NIBAN3: variants seen among roughly 807,000 people sequenced by gnomAD.
NIBAN3 encodes niban apoptosis regulator 3.
Under a neutral mutation model 76.4 loss-of-function variants are expected in NIBAN3, and 66 were observed. That is an observed-to-expected ratio of 0.86 (90% confidence interval 0.71 to 1.06). NIBAN3 has a LOEUF of 1.06. Among genes scored for constraint, NIBAN3 ranks in the 50% least tolerant of loss-of-function variants. The probability of loss-of-function intolerance (pLI) is 0.00; values close to 1 mark genes in which losing one functional copy is unlikely to be tolerated. For missense variants in NIBAN3, 808 were observed against 810.7 expected, an observed-to-expected ratio of 1.00 and a Z score of 0.04; for synonymous variants, 360 against 355.2, an observed-to-expected ratio of 1.01 and a Z score of -0.15.
In NIBAN3 at chr19:17,553,632, T is replaced by C; in HGVS notation, c.*1734T>C. On this transcript the variant is annotated 3_prime_UTR_variant, in exon 15 of 15. Transcript: ENST00000599164. ...CCGAAATACATTTGCTCAATACATTTGCACTTCATAGGCTTCTTTAGCTGT... is the reference window on the plus strand; with the variant it reads ...CCGAAATACATTTGCTCAATACATTCGCACTTCATAGGCTTCTTTAGCTGT... The C allele has an allele frequency of 7.3e-7, 1 of 1,362,490 alleles. No individual in the cohort carries two copies. The highest frequency in any genetic ancestry group is 1.0e-6 in the Non-Finnish European group (1 of 956,502). 84.4% of individuals were successfully genotyped at this position (1,362,490 alleles called of 1,614,324 possible).
chr19:17,527,602 C>T (rs924836295), intron 1 of NIBAN3, among the ~76,000 whole-genome samples: 1 of 152,050 alleles, frequency 6.6e-6, no homozygotes, highest in Non-Finnish European at 1.5e-5. Context: ...GCTGGAGTGC[C>T]GTGGTATGAT....
At chr19:17,527,125 G>A (rs2144659861), upstream of NIBAN3, 7 of 1,227,990 alleles carry the variant, frequency 5.7e-6, no homozygotes, top group Non-Finnish European at 7.8e-6. Flanking sequence ...TAACCCCGGG[G>A]CTGTCCCCGC....
intron 4 of NIBAN3, 127 bp from the exon 5 acceptor site, chr19:17,537,249 C>T: frequency 4.1e-6 from 4 of 969,600 alleles, no homozygotes; most frequent in Non-Finnish European, 6.2e-6. Context: ...AGGATGGTGG[C>T]AAGTATCGTG....
At chr19:17,531,821 C>G (rs1019760961) in intron 2 of NIBAN3, among the ~76,000 whole-genome samples, 2 of 152,190 alleles carry the variant, frequency 1.3e-5, no homozygotes, top group African/African-American at 2.4e-5. Flanking sequence ...AGCGTGAGCG[C>G]CTGGCCTCCA....
In NIBAN3 at chr19:17,540,413, A is replaced by C; in HGVS notation, c.1001A>C (p.Glu334Ala). Residue 334 changes from glutamate (E) to alanine (A), a missense_variant, in exon 9 of 15, where the codon GAG (glutamate) becomes GCG (alanine). Transcript: ENST00000599164. ...CCAGCGGATATCAGGGGACCGCTCG[A>C]GTCGTGCCTGCGCCGGGAGGTGGAC... ...RLRTDIRGPLESCLRREVDPQ... is the reference protein window; with the variant it reads ...RLRTDIRGPLASCLRREVDPQ... 1 of 1,517,374 alleles carries C rather than the reference A, an allele frequency of 6.6e-7. No individual in the cohort carries two copies. 94.0% of individuals were successfully genotyped at this position (1,517,374 alleles called of 1,614,324 possible).
At chr19:17,529,590 C>G (rs1172303076) in intron 1 of NIBAN3, among the ~76,000 whole-genome samples, 1 of 152,242 alleles carries the variant, frequency 6.6e-6, no homozygotes, top group Non-Finnish European at 1.5e-5. Context: ...CAGCACACCT[C>G]CATCACTCAC....
chr19:17,533,199 C>G (rs960907739), intron 3 of NIBAN3, among the ~76,000 whole-genome samples: 1 of 152,088 alleles, frequency 6.6e-6, no homozygotes, highest in African/African-American at 2.4e-5. Flanking sequence ...CACCTGAGGT[C>G]AGGAGTTCAA....
chr19:17,541,251 AT>A (rs2075947254), intron 9 of NIBAN3, among the ~76,000 whole-genome samples: 1 of 151,936 alleles, frequency 6.6e-6, no homozygotes, highest in Non-Finnish European at 1.5e-5. Context: ...ACATACATAC[AT>A]ACATACATAC....
chr19:17,529,540 C>T (rs1463927273), intron 1 of NIBAN3, among the ~76,000 whole-genome samples: 2 of 152,216 alleles, frequency 1.3e-5, no homozygotes, highest in Admixed American at 6.5e-5. Flanking sequence ...GAGCTAGTCA[C>T]CCATCACCCA....
rs1568439359 is a variant in NIBAN3 at position 17,527,395 on chromosome 19, G to A, written c.55G>A (p.Gly19Ser). ...CAAGCAGCAGCGGCAGCACCTAAGGGGTGAGCAGCCGGGGAGGGGACAGGG... is the reference window on the plus strand; with the variant it reads ...CAAGCAGCAGCGGCAGCACCTAAGGAGTGAGCAGCCGGGGAGGGGACAGGG... ...LDKQQRQHLR[G>S]QVDTLLRNFL... The change falls in exon 1 of 15, where the codon GGT becomes AGT. Residue 19 changes from glycine (G) to serine (S), a missense_variant and splice_region_variant. Transcript: ENST00000599164. The A allele has an allele frequency of 3.9e-6, 6 of 1,530,102 alleles. No homozygotes were observed. Among genetic ancestry groups the A allele is most frequent in the African/African-American group, 1.4e-5 (1 of 72,630 alleles). The allele number at this position is 1,530,102 out of a possible 1,614,324, so 94.8% of individuals were successfully genotyped here. A position where few individuals can be genotyped will look rare whatever the true frequency, so the allele number is the denominator to read the frequency against.
chr19:17,547,415 AACG>A (rs2076078274), intron 13 of NIBAN3, among the ~76,000 whole-genome samples: 2 of 102,844 alleles, frequency 1.9e-5, no homozygotes, highest in African/African-American at 7.5e-5. Flanking sequence ...AGTGCAGTGG[AACG>A]ATCTTGGCTC....
Position 17,530,821 on chromosome 19 carries a change from TG to T in NIBAN3, c.123del (p.Arg42GlyfsTer33). On this transcript the variant is annotated frameshift_variant, in exon 2 of 15. Transcript: ENST00000599164. LOFTEE classifies it high-confidence loss of function. Reference protein sequence around the residue: ...CYRGQLAASVLRQISRELGPQ... With the variant: ...CYRGQLAASVXRQISRELGPQ... ...CGTGGGCAGCTGGCAGCGTCTGTCC[TG>T]CGGCAGATCTCTCGAGAGCTGGGCC... The T allele has an allele frequency of 6.2e-7, 1 of 1,613,648 alleles. No individual in the cohort carries two copies. The highest frequency in any genetic ancestry group is 8.5e-7 in the Non-Finnish European group (1 of 1,179,872).
chr19:17,532,166 T>C, intron 2 of NIBAN3, 97 bp from the exon 3 acceptor site: 2 of 1,438,890 alleles, frequency 1.4e-6, no homozygotes, highest in Non-Finnish European at 1.8e-6. Context: ...TCACGGGACC[T>C]TAGCGTCACC....
downstream of NIBAN3, among the ~76,000 whole-genome samples, chr19:17,555,350 G>A (rs866072774): frequency 2.6e-5 from 4 of 152,150 alleles, no homozygotes; most frequent in Non-Finnish European, 5.9e-5. Flanking sequence ...CCGCCTGGTG[G>A]CACAGCCCGG....
At chr19:17,532,448 C>T in intron 3 of NIBAN3, 60 bp downstream of exon 3, 1 of 1,613,066 alleles carries the variant, frequency 6.2e-7, no homozygotes, top group Non-Finnish European at 8.5e-7. Context: ...CCCCGTCAGC[C>T]TCAAGGTTTG....
At chr19:17,536,066 A>G (rs2075819677) in intron 4 of NIBAN3, among the ~76,000 whole-genome samples, 1 of 152,214 alleles carries the variant, frequency 6.6e-6, no homozygotes, top group African/African-American at 2.4e-5. Flanking sequence ...CGCAGATTTT[A>G]GAATCTGGAG....
intron 1 of NIBAN3, 94 bp from the exon 2 acceptor site, chr19:17,530,661 C>A: frequency 8.1e-7 from 1 of 1,236,718 alleles, no homozygotes; most frequent in Non-Finnish European, 1.1e-6. Flanking sequence ...ACTACAGGAG[C>A]CCCCAGGTGG....
At chr19:17,533,395 G>A (rs1329301814) in intron 3 of NIBAN3, 192 bp from the exon 4 acceptor site, 59 of 512,614 alleles carry the variant, frequency 1.2e-4, no homozygotes, top group Non-Finnish European at 7.1e-5. Context: ...GGGTGACAGA[G>A]TGAGACTCTG....
chr19:17,543,382 C>G lies in NIBAN3; in HGVS notation c.1395C>G (p.Asn465Lys), dbSNP rs1158927627. The G allele has an allele frequency of 6.2e-7, 1 of 1,607,854 alleles. No individual in the cohort carries two copies. Among genetic ancestry groups the G allele is most frequent in the Non-Finnish European group, 8.5e-7 (1 of 1,175,564 alleles). The change falls in exon 11 of 15, where the codon AAC becomes AAG. Residue 465 changes from asparagine to lysine, a missense_variant. Transcript: ENST00000599164. The stretch of plus-strand genomic sequence containing the variant: ...ACCAGTGTCTGACGACGGCCCTCAA[C>G]TGTGACCAGGCTGCCCAGAGGCTGG... ...LADQCLTTAL[N>K]CDQAAQRLER...
Sources: gnomAD v4.1 joint callset for allele counts (sites outside exome capture counted in the v4.1 genomes callset) on GRCh38, gnomAD v4.1.1 for gene constraint, MANE v1.5 for transcripts, NCBI Gene and HGNC (gene_info 2026-07-23, HGNC 2026-07-21) for gene names.